Variants in PTPN12 observed in about 807,000 individuals in gnomAD.
PTPN12 encodes the protein tyrosine-protein phosphatase non-receptor type 12.
A neutral mutation model predicts 97.6 loss-of-function variants in PTPN12; 29 were observed. The observed-to-expected ratio is 0.30, with a 90% confidence interval of 0.22 to 0.41. The LOEUF is 0.41. PTPN12 is among the 10% of genes least tolerant of loss of function. The probability of loss-of-function intolerance (pLI) is 1.00; values close to 1 mark genes in which losing one functional copy is unlikely to be tolerated. For synonymous variants in PTPN12, 327 were observed against 300.4 expected (o/e 1.09, Z -0.91); for missense variants, 819 against 926.0 (o/e 0.88, Z 1.50).
intron 9 of PTPN12, 34 bp from the exon 10 acceptor site, chr7:77,610,731 A>G (rs773674455): frequency 1.3e-6 from 2 of 1,546,896 alleles, no homozygotes; most frequent in Admixed American, 4.1e-5. Flanking sequence ...CTGAATAGAT[A>G]CACAAAGTTG....
intron 1 of PTPN12, among the ~76,000 whole-genome samples, chr7:77,564,755 T>TTTTTTTG (rs1808176964): frequency 3.4e-5 from 3 of 87,518 alleles, no homozygotes; most frequent in Admixed American, 2.4e-4. Flanking sequence ...TGTTTTTTTT[T>TTTTTTTG]TTTTTTTTTT....
At chr7:77,562,002 G>C (rs1173369466) in intron 1 of PTPN12, among the ~76,000 whole-genome samples, 13 of 151,326 alleles carry the variant, frequency 8.6e-5, no homozygotes, top group Admixed American at 8.6e-4. Flanking sequence ...GTGTTAGCCA[G>C]GATGGTCTCG....
chr7:77,607,983 G>C (rs1304760783), intron 9 of PTPN12, among the ~76,000 whole-genome samples: 1 of 152,172 alleles, frequency 6.6e-6, no homozygotes, highest in Admixed American at 6.5e-5. Flanking sequence ...TCGAACTTCT[G>C]ACCTCAGGTG....
chr7:77,545,356 A>G lies in PTPN12; in HGVS notation c.99+7711A>G, dbSNP rs372681988. On this transcript the variant is annotated intron_variant, in intron 1 of 17. Transcript: ENST00000248594. ...TAATGGAAACCATACTGGTTGTACA[A>G]TCAGGAGATGTGGGCTGCACTGGAA... Among the ~76,000 whole-genome samples the G allele has an allele frequency of 9.9e-5, 15 of 152,172 alleles. No homozygotes were observed. In the South Asian group the frequency reaches 2.1e-3, roughly 21 times the overall value.
At chr7:77,635,874 G>T in intron 15 of PTPN12, 25 bp downstream of exon 15, 1 of 1,506,690 alleles carries the variant, frequency 6.6e-7, no homozygotes, top group Non-Finnish European at 9.1e-7. Context: ...AATTGGAACA[G>T]TTATAGCTTA....
intron 12 of PTPN12, among the ~76,000 whole-genome samples, chr7:77,622,834 A>G (rs1788989458): frequency 6.8e-6 from 1 of 146,600 alleles, no homozygotes; most frequent in South Asian, 2.1e-4. Flanking sequence ...AAGTTTGGAA[A>G]ATAAGGAACT....
chr7:77,617,361 T>C (rs1788787096), intron 11 of PTPN12, among the ~76,000 whole-genome samples: 1 of 152,192 alleles, frequency 6.6e-6, no homozygotes, highest in South Asian at 2.1e-4. Flanking sequence ...TTTTATGACA[T>C]AACTCTGTTG....
rs1449556273 is a variant in PTPN12 at position 77,581,507 on chromosome 7, T to C, written c.285+4T>C. On this transcript the variant is annotated splice_donor_region_variant and intron_variant, in intron 3 of 17. Coordinates refer to ENST00000248594, the MANE Select transcript of PTPN12 (RefSeq NM_002835.4). ...TATCAATGCAAATTTTATAAAGGTA[T>C]GTACTAACTTTAAATGGTGTTTCTC... 6.6e-7 allele frequency: 1 copy of C among 1,519,470 alleles called. No homozygotes were observed. Among genetic ancestry groups the C allele is most frequent in the Non-Finnish European group, 9.0e-7 (1 of 1,107,700 alleles). 94.1% of individuals were successfully genotyped at this position (1,519,470 alleles called of 1,614,324 possible). A position where few individuals can be genotyped will look rare whatever the true frequency, so the allele number is the denominator to read the frequency against.
At chr7:77,595,254 C>T (rs768705626) in intron 6 of PTPN12, among the ~76,000 whole-genome samples, 1 of 152,052 alleles carries the variant, frequency 6.6e-6, no homozygotes, top group African/African-American at 2.4e-5. Flanking sequence ...TCAGACAACT[C>T]GGGATTTGTT....
At chr7:77,566,480 G>C (rs1044157469) in intron 1 of PTPN12, among the ~76,000 whole-genome samples, 1 of 152,120 alleles carries the variant, frequency 6.6e-6, no homozygotes, top group African/African-American at 2.4e-5. Flanking sequence ...CCATCACTTT[G>C]GGAGGCTAAG....
intron 1 of PTPN12, among the ~76,000 whole-genome samples, chr7:77,557,438 G>A (rs894816890): frequency 1.3e-5 from 2 of 152,186 alleles, no homozygotes; most frequent in East Asian, 3.8e-4. Flanking sequence ...TGTTTGACCT[G>A]TGACTTAACT....
intron 12 of PTPN12, among the ~76,000 whole-genome samples, chr7:77,623,012 C>CAA (rs34769333): frequency 2.9e-4 from 34 of 118,162 alleles, no homozygotes; most frequent in Admixed American, 4.3e-4. Context: ...AAGAAATTAG[C>CAA]AAAAAAAAAA....
At chr7:77,540,140 C>T (rs2151292253) in intron 1 of PTPN12, among the ~76,000 whole-genome samples, 1 of 152,224 alleles carries the variant, frequency 6.6e-6, no homozygotes, top group East Asian at 1.9e-4. Context: ...GGTTGCCCAG[C>T]CTCTGAACTC....
chr7:77,616,782 T>C (rs946946094), intron 11 of PTPN12, among the ~76,000 whole-genome samples: 1 of 151,904 alleles, frequency 6.6e-6, no homozygotes, highest in African/African-American at 2.4e-5. Context: ...ATGTTGGGGG[T>C]ACTTTTTTGT....
At chr7:77,634,501 A>T (rs1789517143) in intron 14 of PTPN12, among the ~76,000 whole-genome samples, 1 of 152,020 alleles carries the variant, frequency 6.6e-6, no homozygotes, top group Non-Finnish European at 1.5e-5. Flanking sequence ...GTGCAGTGGC[A>T]CGATCTCGGC....
intron 2 of PTPN12, among the ~76,000 whole-genome samples, chr7:77,576,090 G>A (rs930194983): frequency 6.6e-6 from 1 of 152,088 alleles, no homozygotes; most frequent in African/African-American, 2.4e-5. Flanking sequence ...TCCTGACCTC[G>A]TGATCCGCCT....
At chr7:77,626,022 A>G (rs998011742) in intron 12 of PTPN12, among the ~76,000 whole-genome samples, 9 of 152,232 alleles carry the variant, frequency 5.9e-5, no homozygotes, top group African/African-American at 1.9e-4. Context: ...GGGAACCAGT[A>G]GTCCACACTG....
intron 5 of PTPN12, among the ~76,000 whole-genome samples, chr7:77,591,882 T>G (rs990543372): frequency 6.6e-6 from 1 of 152,232 alleles, no homozygotes; most frequent in African/African-American, 2.4e-5. Flanking sequence ...AGACACTTTT[T>G]TAAAATTAGT....
At chr7:77,575,053 C>G (rs1314286259) in intron 2 of PTPN12, among the ~76,000 whole-genome samples, 2 of 152,020 alleles carry the variant, frequency 1.3e-5, no homozygotes, top group Admixed American at 6.5e-5. Context: ...AGGCTGGTCT[C>G]AAACTCCTGA....
Sources: allele counts gnomAD v4.1 joint callset (sites outside exome capture counted in the v4.1 genomes callset), GRCh38; gene constraint gnomAD v4.1.1; transcripts MANE v1.5; gene names NCBI Gene and HGNC (gene_info 2026-07-23, HGNC 2026-07-21).